SYNDIG1L: variants seen among roughly 807,000 people sequenced by gnomAD.
The protein encoded by SYNDIG1L is synapse differentiation inducing 1 like, also known as synapse differentiation-inducing gene protein 1-like.
A neutral mutation model predicts 20.1 loss-of-function variants in SYNDIG1L; 13 were observed. The observed-to-expected ratio is 0.65, with a 90% CI of 0.42 to 1.03. The LOEUF (loss-of-function observed/expected upper bound fraction) is 1.03. SYNDIG1L is among the 50% of genes least tolerant of loss of function. The pLI, the probability that SYNDIG1L is intolerant of heterozygous loss-of-function variation, is 0.00. For synonymous variants in SYNDIG1L, 128 were observed against 129.3 expected (o/e 0.99, Z 0.07); for missense variants, 294 against 305.1 (o/e 0.96, Z 0.27).
In SYNDIG1L at chr14:74,407,831, G is replaced by C. The variant is rs759591028; in HGVS notation, c.558+18C>G. 1.2e-6 allele frequency: 2 copies of C among 1,605,948 alleles called. No individual in the cohort carries two copies. Among genetic ancestry groups the C allele is most frequent in the Non-Finnish European group, 1.7e-6 (2 of 1,176,172 alleles). ...AGTGACGGGCCAGAGAAGGGACCTGGGCCCCAGGTGCTCTTACCCCCTGGG... is the reference window on the plus strand; with the variant it reads ...AGTGACGGGCCAGAGAAGGGACCTGCGCCCCAGGTGCTCTTACCCCCTGGG... On this transcript the variant is annotated intron_variant, in intron 3 of 3. Transcript: ENST00000331628.
the SYNDIG1L span, among the ~76,000 whole-genome samples, chr14:74,443,375 G>T: frequency 5.3e-5 from 8 of 152,224 alleles, no homozygotes; most frequent in African/African-American, 1.9e-4. Context: ...TAACAACACA[G>T]AAATCACTGG....
the SYNDIG1L span, among the ~76,000 whole-genome samples, chr14:74,439,214 T>C: frequency 2.0e-5 from 3 of 152,050 alleles, no homozygotes; most frequent in Non-Finnish European, 2.9e-5. Context: ...TCTGGCTTCC[T>C]GTAATAACTC....
chr14:74,440,513 T>C, the SYNDIG1L span, among the ~76,000 whole-genome samples: 1 of 75,394 alleles, frequency 1.3e-5, no homozygotes, highest in Non-Finnish European at 2.1e-5. Flanking sequence ...AGACTCCGTC[T>C]CATAAAAAAA....
chr14:74,454,246 T>A, the SYNDIG1L span, among the ~76,000 whole-genome samples: 1 of 151,972 alleles, frequency 6.6e-6, no homozygotes, highest in Non-Finnish European at 1.5e-5. Flanking sequence ...CTACCTACTA[T>A]TGTTTACTTC....
At chr14:74,430,128 A>T (rs1443217155), upstream of SYNDIG1L, among the ~76,000 whole-genome samples, 2 of 152,084 alleles carry the variant, frequency 1.3e-5, no homozygotes, top group Non-Finnish European at 2.9e-5. Flanking sequence ...AGAGTGGGTG[A>T]GCTACTGCCA....
the SYNDIG1L span, chr14:74,479,931 C>G: frequency 3.2e-6 from 4 of 1,236,982 alleles, no homozygotes; most frequent in Non-Finnish European, 4.1e-6. Context: ...GAGAAGACCA[C>G]AGCCCACATG....
the SYNDIG1L span, among the ~76,000 whole-genome samples, chr14:74,438,000 T>C: frequency 6.6e-6 from 1 of 152,222 alleles, no homozygotes; most frequent in African/African-American, 2.4e-5. Flanking sequence ...TCTAGAAATA[T>C]AGGTTCACAG....
intron 1 of SYNDIG1L, among the ~76,000 whole-genome samples, chr14:74,417,030 T>C (rs953758606): frequency 9.2e-5 from 14 of 152,218 alleles, no homozygotes; most frequent in Non-Finnish European, 1.5e-5. Context: ...GCTACCATTA[T>C]TGGGTGCTTG....
the SYNDIG1L span, among the ~76,000 whole-genome samples, chr14:74,440,328 A>T: frequency 5.9e-5 from 9 of 152,230 alleles, no homozygotes; most frequent in Middle Eastern, 3.4e-3. Flanking sequence ...ATCCTGGCTA[A>T]CACAGTGAAA....
At chr14:74,425,477 G>T (rs1165865437) in intron 1 of SYNDIG1L, among the ~76,000 whole-genome samples, 2 of 152,226 alleles carry the variant, frequency 1.3e-5, no homozygotes, top group East Asian at 1.9e-4. Context: ...AGAGCAGGGG[G>T]TACCACAGCC....
the SYNDIG1L span, among the ~76,000 whole-genome samples, chr14:74,449,376 A>G: frequency 7.2e-5 from 10 of 139,036 alleles, no homozygotes; most frequent in African/African-American, 2.6e-4. Context: ...CTGAGGTGGG[A>G]GGATTATTTG....
chr14:74,455,420 G>C, the SYNDIG1L span, among the ~76,000 whole-genome samples: 2 of 128,462 alleles, frequency 1.6e-5, no homozygotes, highest in African/African-American at 6.2e-5. Context: ...TTTTGAGACA[G>C]AGTCTTGCCC....
At chr14:74,453,534 G>A in the SYNDIG1L span, among the ~76,000 whole-genome samples, 2 of 152,108 alleles carry the variant, frequency 1.3e-5, no homozygotes, top group East Asian at 1.9e-4. Flanking sequence ...ATAGTTTCAT[G>A]GGTATATAGA....
At chr14:74,442,634 T>C in the SYNDIG1L span, among the ~76,000 whole-genome samples, 1 of 152,184 alleles carries the variant, frequency 6.6e-6, no homozygotes, top group African/African-American at 2.4e-5. Context: ...TTAGAAGAGA[T>C]CTCTAGCTAA....
chr14:74,409,980 G>A (rs1431176568), intron 1 of SYNDIG1L, among the ~76,000 whole-genome samples, 179 bp from the exon 2 acceptor site: 4 of 152,216 alleles, frequency 2.6e-5, no homozygotes, highest in African/African-American at 9.6e-5. Context: ...CTTTGTCTGT[G>A]GCTTGGGACT....
intron 1 of SYNDIG1L, among the ~76,000 whole-genome samples, chr14:74,414,698 AACTTAC>A (rs2086160821): frequency 1.3e-5 from 2 of 152,212 alleles, no homozygotes; most frequent in South Asian, 4.1e-4. Flanking sequence ...GAAGAAGAAT[AACTTAC>A]ACTTACTGAG....
the SYNDIG1L span, among the ~76,000 whole-genome samples, chr14:74,460,520 C>T: frequency 6.6e-6 from 1 of 152,230 alleles, no homozygotes; most frequent in Non-Finnish European, 1.5e-5. Context: ...GTGCTCTCCC[C>T]AGCCTTTCAA....
chr14:74,462,209 C>T, the SYNDIG1L span, among the ~76,000 whole-genome samples: 4 of 151,488 alleles, frequency 2.6e-5, no homozygotes, highest in South Asian at 2.1e-4. Flanking sequence ...GTTGGCCAGG[C>T]GCTGTGGCTC....
chr14:74,434,847 C>T, the SYNDIG1L span, among the ~76,000 whole-genome samples: 4 of 150,392 alleles, frequency 2.7e-5, no homozygotes, highest in Non-Finnish European at 4.4e-5. Context: ...TTTGGGAGGC[C>T]GAGGCAGGTG....
Sources: allele counts gnomAD v4.1 joint callset (sites outside exome capture counted in the v4.1 genomes callset), GRCh38; gene constraint gnomAD v4.1.1; transcripts MANE v1.5; gene names NCBI Gene and HGNC (gene_info 2026-07-23, HGNC 2026-07-21).